ZNRF2: variants seen among roughly 807,000 people sequenced by gnomAD.
ZNRF2 encodes E3 ubiquitin-protein ligase ZNRF2.
In ZNRF2, 16 loss-of-function variants were observed where a neutral mutation model predicts 20.4. The observed-to-expected ratio is 0.79, with a 90% CI of 0.53 to 1.19. ZNRF2 has a LOEUF of 1.19. Ranked by LOEUF, ZNRF2 falls within the 50% of genes most tolerant of loss-of-function variation. The probability of loss-of-function intolerance (pLI) is 0.00; values close to 1 mark genes in which losing one functional copy is unlikely to be tolerated. For missense variants in ZNRF2, 363 were observed against 332.4 expected, an observed-to-expected ratio of 1.09 and a Z score of -0.72; for synonymous variants, 178 against 144.9, an observed-to-expected ratio of 1.23 and a Z score of -1.64.
intron 1 of ZNRF2, among the ~76,000 whole-genome samples, chr7:30,313,043 T>G (rs1380222186): frequency 1.3e-5 from 2 of 152,214 alleles, no homozygotes; most frequent in East Asian, 3.8e-4. Flanking sequence ...ACTTGATAAG[T>G]AGAAGCCATG....
intron 2 of ZNRF2, among the ~76,000 whole-genome samples, chr7:30,349,862 A>G (rs897998478): frequency 6.6e-6 from 1 of 152,058 alleles, no homozygotes; most frequent in Admixed American, 6.6e-5. Context: ...TTGTTCATGT[A>G]GACAACTCAT....
chr7:30,298,760 A>C lies in ZNRF2; in HGVS notation c.469+12934A>C, dbSNP rs1400761936. On this transcript the variant is annotated intron_variant, in intron 1 of 4. Transcript: ENST00000323037. ...GCTTAGCTGCTGCAAGTCAGGGAGG[A>C]CAACTAGGAGATCTCACAGCTCCTT... is the stretch of plus-strand genomic sequence containing the variant. Among the ~76,000 whole-genome samples the C allele has an allele frequency of 4.6e-5, 7 of 152,140 alleles. No homozygotes were observed. The East Asian group carries it at 1.3e-3, about 29-fold the overall frequency.
rs190369539 is a variant in ZNRF2, at chr7:30,299,312, G to A, written c.469+13486G>A. On this transcript the variant is annotated intron_variant, in intron 1 of 4. Transcript: ENST00000323037. ...CGCATGCCTGTAATCCCAGCGACTC[G>A]GGAGGCTGAGGCAGGAGAATTGCTT... 1.6e-4 allele frequency among the ~76,000 whole-genome samples: 24 copies of A among 152,036 alleles called. No homozygotes were observed. The East Asian group carries it at 3.3e-3, about 21-fold the overall frequency.
chr7:30,331,810 A>G (rs1360214582), intron 2 of ZNRF2, among the ~76,000 whole-genome samples: 3 of 152,320 alleles, frequency 2.0e-5, no homozygotes, highest in East Asian at 1.9e-4. Flanking sequence ...CCAAAAAATA[A>G]TATTTTACCG....
intron 2 of ZNRF2, among the ~76,000 whole-genome samples, chr7:30,336,470 A>G (rs9691527): frequency 0.13 from 19,651 of 152,132 alleles, 3,507 homozygotes; most frequent in African/African-American, 0.4. Flanking sequence ...TATTTTAAGT[A>G]TTTTAAGGTA....
chr7:30,317,406 G>A (rs2128061741), intron 1 of ZNRF2, among the ~76,000 whole-genome samples: 1 of 152,320 alleles, frequency 6.6e-6, no homozygotes, highest in Middle Eastern at 3.4e-3. Context: ...TTGCTTTTGA[G>A]TTCTCTAAAA....
intron 1 of ZNRF2, among the ~76,000 whole-genome samples, chr7:30,315,855 C>G (rs1043447968): frequency 4.0e-5 from 6 of 151,620 alleles, no homozygotes; most frequent in African/African-American, 1.5e-4. Context: ...GCTTTTCATT[C>G]ATTCAAATAT....
chr7:30,290,144 G>A (rs1354150491), intron 1 of ZNRF2, among the ~76,000 whole-genome samples: 1 of 152,174 alleles, frequency 6.6e-6, no homozygotes, highest in East Asian at 1.9e-4. Context: ...ATATTCTTAA[G>A]AACTGTTATT....
chr7:30,359,147 A>G (rs1800084827), intron 3 of ZNRF2, among the ~76,000 whole-genome samples: 1 of 152,208 alleles, frequency 6.6e-6, no homozygotes, highest in South Asian at 2.1e-4. Context: ...GGTTGACTAA[A>G]TACCTGCCTC....
chr7:30,360,702 A>C (rs1295346074), intron 3 of ZNRF2, among the ~76,000 whole-genome samples: 1 of 152,200 alleles, frequency 6.6e-6, no homozygotes, highest in Non-Finnish European at 1.5e-5. Context: ...CTCAAAAAAC[A>C]AAAAGCGAAA....
intron 2 of ZNRF2, among the ~76,000 whole-genome samples, chr7:30,331,334 A>G (rs916905283): frequency 6.6e-6 from 1 of 152,192 alleles, no homozygotes; most frequent in Non-Finnish European, 1.5e-5. Flanking sequence ...ATGAATAGGA[A>G]ATATGGGAAA....
intron 1 of ZNRF2, among the ~76,000 whole-genome samples, chr7:30,286,323 CTGTGTCAGTAGTCCCA>C (rs1472030471): frequency 6.6e-6 from 1 of 152,212 alleles, no homozygotes; most frequent in Admixed American, 6.5e-5. Flanking sequence ...ATCCTGAAAT[CTGTGTCAGTAGTCCCA>C]GTTACTATGT....
intron 2 of ZNRF2, among the ~76,000 whole-genome samples, chr7:30,335,310 A>G (rs879269537): frequency 6.6e-6 from 1 of 152,174 alleles, no homozygotes; most frequent in Non-Finnish European, 1.5e-5. Context: ...TTAAAAGGAA[A>G]GAAGAGAGAA....
chr7:30,294,973 TAGAG>T (rs1260949213), intron 1 of ZNRF2, among the ~76,000 whole-genome samples: 5 of 135,194 alleles, frequency 3.7e-5, no homozygotes, highest in East Asian at 2.3e-4. Context: ...AGCTGAAATT[TAGAG>T]AGAGAGGGAG....
In ZNRF2 at chr7:30,358,481, T is replaced by G. The variant is rs1379202617; in HGVS notation, c.671+2648T>G. ...ACTCAGTGTCATAATGATGTCATTTTACCTCAGATTGATCTATATAGTTAA... is the reference window on the plus strand; with the variant it reads ...ACTCAGTGTCATAATGATGTCATTTGACCTCAGATTGATCTATATAGTTAA... On this transcript the variant is annotated intron_variant, in intron 3 of 4. Coordinates refer to ENST00000323037, the MANE Select transcript of ZNRF2 (RefSeq NM_147128.4). Among the ~76,000 whole-genome samples the G allele has an allele frequency of 7.9e-5, 12 of 152,312 alleles. No individual in the cohort carries two copies. The East Asian group carries it at 2.1e-3, about 27-fold the overall frequency.
intron 1 of ZNRF2, among the ~76,000 whole-genome samples, chr7:30,310,831 G>A (rs552979820): frequency 3.3e-5 from 5 of 152,078 alleles, no homozygotes; most frequent in African/African-American, 1.2e-4. Context: ...TTCGTTCCTT[G>A]TCTAAGGAGA....
chr7:30,361,616 A>G (rs1489075096), intron 3 of ZNRF2, among the ~76,000 whole-genome samples: 1 of 152,238 alleles, frequency 6.6e-6, no homozygotes, highest in Non-Finnish European at 1.5e-5. Flanking sequence ...ACTTTCTACC[A>G]TAATGGAAAT....
rs534133914 is a variant in ZNRF2 at position 30,356,676 on chromosome 7, T to C, written c.671+843T>C. ...TATTAGGGATAGAATTCCTATAGAA[T>C]GACAAAAAGTATATAACATTGTATT... On this transcript the variant is annotated intron_variant, in intron 3 of 4. Coordinates refer to ENST00000323037, the MANE Select transcript of ZNRF2 (RefSeq NM_147128.4). 1.0e-4 allele frequency among the ~76,000 whole-genome samples: 15 copies of C among 149,676 alleles called. No individual in the cohort carries two copies. The East Asian group carries it at 2.7e-3, about 27-fold the overall frequency.
rs79934850 is a variant in ZNRF2 at position 30,366,168 on chromosome 7, G to C, written c.*156G>C. On this transcript the variant is annotated 3_prime_UTR_variant, in exon 5 of 5. Coordinates refer to ENST00000323037, the MANE Select transcript of ZNRF2 (RefSeq NM_147128.4). ...CTTGGTAATACAGAGATGGACAATCGTACTGGGGTAAAAAAACCCTGCTGA... is the reference window on the plus strand; with the variant it reads ...CTTGGTAATACAGAGATGGACAATCCTACTGGGGTAAAAAAACCCTGCTGA... The C allele has an allele frequency of 2.6e-5, 4 of 152,558 alleles. No individual in the cohort carries two copies. The highest frequency in any genetic ancestry group is 6.5e-5 in the Admixed American group (1 of 15,274). 9.5% of individuals were successfully genotyped at this position (152,558 alleles called of 1,614,324 possible).
Sources: allele counts gnomAD v4.1 joint callset (sites outside exome capture counted in the v4.1 genomes callset), GRCh38; gene constraint gnomAD v4.1.1; transcripts MANE v1.5; gene names NCBI Gene and HGNC (gene_info 2026-07-23, HGNC 2026-07-21).